Variants in MAPKAP1 observed in about 807,000 individuals in gnomAD.
MAPKAP1 encodes MAPK associated protein 1, also known as target of rapamycin complex 2 subunit MAPKAP1.
Under a neutral mutation model 65.7 loss-of-function variants are expected in MAPKAP1, and 20 were observed. That is an observed-to-expected ratio of 0.30 (90% confidence interval 0.21 to 0.44). MAPKAP1 has a LOEUF of 0.44. Ranked by LOEUF, MAPKAP1 falls within the 20% of genes least tolerant of loss-of-function variation. MAPKAP1 has a pLI of 1.00. For synonymous variants in MAPKAP1, 222 were observed against 244.3 expected, an observed-to-expected ratio of 0.91 and a Z score of 0.85; for missense variants, 423 against 648.0, an observed-to-expected ratio of 0.65 and a Z score of 3.77.
At chr9:125,541,689 C>T (rs1186493089) in intron 7 of MAPKAP1, among the ~76,000 whole-genome samples, 1 of 152,130 alleles carries the variant, frequency 6.6e-6, no homozygotes, top group Non-Finnish European at 1.5e-5. Flanking sequence ...ATAAAAGTCA[C>T]CCAAAAAATG....
intron 3 of MAPKAP1, among the ~76,000 whole-genome samples, chr9:125,666,273 A>C (rs1330948849): frequency 6.6e-6 from 1 of 152,130 alleles, no homozygotes; most frequent in Admixed American, 6.5e-5. Context: ...TTCATAAAGA[A>C]CTGAGGTATG....
At chr9:125,568,316 T>A (rs1831122664) in intron 5 of MAPKAP1, among the ~76,000 whole-genome samples, 1 of 152,174 alleles carries the variant, frequency 6.6e-6, no homozygotes, top group Non-Finnish European at 1.5e-5. Flanking sequence ...GATGACAGGG[T>A]TAGGCATGTA....
At chr9:125,615,753 A>C (rs536362993) in intron 4 of MAPKAP1, among the ~76,000 whole-genome samples, 7 of 152,110 alleles carry the variant, frequency 4.6e-5, no homozygotes, top group African/African-American at 1.4e-4. Context: ...TCTCTACTAA[A>C]AATACAAAAA....
chr9:125,615,538 C>CAAAAAAAAAA (rs58426049), intron 4 of MAPKAP1, among the ~76,000 whole-genome samples: 22 of 110,742 alleles, frequency 2.0e-4, no homozygotes, highest in African/African-American at 6.6e-4. Context: ...ACTAAAAATA[C>CAAAAAAAAAA]AAAAAAAAAA....
In MAPKAP1 at chr9:125,519,638, CATATATATGTCTTTTATAT is replaced by C. The variant is rs1383134227; in HGVS notation, c.959-13240_959-13222del. 2.2e-5 allele frequency among the ~76,000 whole-genome samples: 3 copies of C among 134,822 alleles called. No individual in the cohort carries two copies. In the East Asian group the frequency reaches 7.1e-4, roughly 32 times the overall value. The allele number at this position is 134,822 out of a possible 152,430, so 88.4% of individuals were successfully genotyped here. A position where few individuals can be genotyped will look rare whatever the true frequency, so the allele number is the denominator to read the frequency against. ...AGCAAGACCTTGTCTAATATATATA[CATATATATGTCTTTTATAT>C]ATATATATATATATAATTTAAAAAA... On this transcript the variant is annotated intron_variant, in intron 7 of 11. Coordinates refer to ENST00000265960, the MANE Select transcript of MAPKAP1 (RefSeq NM_001006617.3).
At chr9:125,596,887 G>A (rs1832141834) in intron 4 of MAPKAP1, among the ~76,000 whole-genome samples, 1 of 149,200 alleles carries the variant, frequency 6.7e-6, no homozygotes, top group African/African-American at 2.5e-5. Flanking sequence ...GGATTTTAAT[G>A]TAGATTTCTT....
chr9:125,706,677 C>T (rs977962193), intron 1 of MAPKAP1, among the ~76,000 whole-genome samples: 5 of 151,972 alleles, frequency 3.3e-5, no homozygotes, highest in African/African-American at 1.2e-4. Context: ...GACCAGGGCA[C>T]CTAGATATTG....
At chr9:125,514,472 C>T (rs560569860) in intron 7 of MAPKAP1, among the ~76,000 whole-genome samples, 13 of 152,176 alleles carry the variant, frequency 8.5e-5, no homozygotes, top group Admixed American at 3.3e-4. Context: ...GATATCTGTG[C>T]GATCATGGTT....
intron 1 of MAPKAP1, among the ~76,000 whole-genome samples, chr9:125,700,407 C>T (rs1033221394): frequency 3.3e-5 from 5 of 152,082 alleles, no homozygotes; most frequent in Non-Finnish European, 7.4e-5. Flanking sequence ...AGTATACTCA[C>T]GTATAGGATA....
intron 11 of MAPKAP1, among the ~76,000 whole-genome samples, chr9:125,441,131 G>T (rs140413437): frequency 6.6e-6 from 1 of 152,182 alleles, no homozygotes; most frequent in East Asian, 1.9e-4. Flanking sequence ...CATTTTCAAC[G>T]CATTTTACAG....
intron 7 of MAPKAP1, among the ~76,000 whole-genome samples, chr9:125,538,013 T>G (rs1313379703): frequency 2.0e-5 from 3 of 152,128 alleles, no homozygotes; most frequent in Non-Finnish European, 4.4e-5. Context: ...AATCATCAAC[T>G]CTGTATTTTT....
At chr9:125,612,800 G>C (rs1221679553) in intron 4 of MAPKAP1, among the ~76,000 whole-genome samples, 1 of 152,194 alleles carries the variant, frequency 6.6e-6, no homozygotes, top group Non-Finnish European at 1.5e-5. Flanking sequence ...AGGCAAGAAG[G>C]AAAGTCACCA....
chr9:125,456,718 C>G (rs1286982639), intron 10 of MAPKAP1, among the ~76,000 whole-genome samples: 1 of 152,154 alleles, frequency 6.6e-6, no homozygotes, highest in Non-Finnish European at 1.5e-5. Context: ...GTAAACTCTG[C>G]CAGCAACGAC....
At chr9:125,657,627 G>C in intron 4 of MAPKAP1, 24 bp downstream of exon 4, 6 of 1,583,770 alleles carry the variant, frequency 3.8e-6, no homozygotes, top group Non-Finnish European at 5.2e-6. Flanking sequence ...TTACTTAAAG[G>C]GACAAAGTCT....
chr9:125,600,745 G>A (rs1832276559), intron 4 of MAPKAP1, among the ~76,000 whole-genome samples: 1 of 152,172 alleles, frequency 6.6e-6, no homozygotes, highest in Non-Finnish European at 1.5e-5. Context: ...GTATCAGAAT[G>A]TGCTCTCACA....
At chr9:125,441,960 C>T (rs1432346903) in intron 11 of MAPKAP1, among the ~76,000 whole-genome samples, 1 of 151,850 alleles carries the variant, frequency 6.6e-6, no homozygotes, top group Non-Finnish European at 1.5e-5. Flanking sequence ...ACCCCGTTCT[C>T]TACTAAAAAT....
At chr9:125,444,316 T>C (rs1186783152) in intron 11 of MAPKAP1, among the ~76,000 whole-genome samples, 185 bp downstream of exon 11, 1 of 152,206 alleles carries the variant, frequency 6.6e-6, no homozygotes, top group Non-Finnish European at 1.5e-5. Context: ...CGGGGGCTGG[T>C]GTGGCCCTGG....
intron 3 of MAPKAP1, among the ~76,000 whole-genome samples, chr9:125,660,388 T>C (rs1280925667): frequency 6.6e-6 from 1 of 152,170 alleles, no homozygotes; most frequent in African/African-American, 2.4e-5. Context: ...CACTGAGCTG[T>C]ACATTTAATA....
chr9:125,528,766 G>C (rs1258328129), intron 7 of MAPKAP1, among the ~76,000 whole-genome samples: 1 of 144,422 alleles, frequency 6.9e-6, no homozygotes, highest in Non-Finnish European at 1.5e-5. Flanking sequence ...AGAATCGCCT[G>C]AACTCGGGAG....
Sources: allele counts gnomAD v4.1 joint callset (sites outside exome capture counted in the v4.1 genomes callset), GRCh38; gene constraint gnomAD v4.1.1; transcripts MANE v1.5; gene names NCBI Gene and HGNC (gene_info 2026-07-23, HGNC 2026-07-21).